DUSP28: variants seen among roughly 807,000 people sequenced by gnomAD.
DUSP28 encodes the protein dual specificity phosphatase 28.
Under a neutral mutation model 8.4 loss-of-function variants are expected in DUSP28, and 11 were observed. That is an observed-to-expected ratio of 1.31 (90% CI 0.83 to 2.17). The LOEUF is 2.17. Among genes scored for constraint, DUSP28 ranks in the 30% most tolerant of loss-of-function variants. The pLI is 0.00. For synonymous variants in DUSP28, 178 were observed against 130.9 expected, an observed-to-expected ratio of 1.36 and a Z score of -2.46; for missense variants, 373 against 270.4, an observed-to-expected ratio of 1.38 and a Z score of -2.66.
Position 240,560,607 on chromosome 2 carries a change from C to A in DUSP28, c.-78C>A, listed in dbSNP as rs2092891324. 1 of 1,357,476 alleles carries A rather than the reference C, an allele frequency of 7.4e-7. No homozygotes were observed. The highest frequency in any genetic ancestry group is 9.4e-7 in the Non-Finnish European group (1 of 1,059,086). 84.1% of individuals were successfully genotyped at this position (1,357,476 alleles called of 1,614,324 possible). On this transcript the variant is annotated 5_prime_UTR_variant, in exon 1 of 2. Transcript: ENST00000405954. Reference sequence around the variant, plus strand: ...CGCCCGGCGGCCCGCCCGGCTCCCACAAATAGACTCCTGGGCGGGCGCCTG... The same window carrying A: ...CGCCCGGCGGCCCGCCCGGCTCCCAAAAATAGACTCCTGGGCGGGCGCCTG...
rs1394937937 is a variant in DUSP28, at chr2:240,560,624, G to A, written c.-61G>A. On this transcript the variant is annotated 5_prime_UTR_variant, in exon 1 of 2. Transcript: ENST00000405954. ...GGCTCCCACAAATAGACTCCTGGGC[G>A]GGCGCCTGAGCCCCCAAAATAGATC... The A allele has an allele frequency of 1.4e-6, 2 of 1,401,750 alleles. No individual in the cohort carries two copies. The highest frequency in any genetic ancestry group is 1.8e-6 in the Non-Finnish European group (2 of 1,085,114). 86.8% of individuals were successfully genotyped at this position (1,401,750 alleles called of 1,614,324 possible).
chr2:240,561,645 A>C lies in DUSP28; in HGVS notation c.*178A>C. 1 of 871,570 alleles carries C rather than the reference A, an allele frequency of 1.1e-6. No individual in the cohort carries two copies. Among genetic ancestry groups the C allele is most frequent in the South Asian group, 2.1e-5 (1 of 46,692 alleles). The allele number at this position is 871,570 out of a possible 1,614,324, so 54.0% of individuals were successfully genotyped here. The stretch of plus-strand genomic sequence containing the variant: ...ATGCACAAATTATCTTACAGACACA[A>C]AAAGAAATACATTTGGTAAAACATC... On this transcript the variant is annotated 3_prime_UTR_variant, in exon 2 of 2. Coordinates refer to ENST00000405954, the MANE Select transcript of DUSP28 (RefSeq NM_001370465.2).
intron 1 of DUSP28, 107 bp from the exon 2 acceptor site, chr2:240,561,223 G>C: frequency 6.3e-7 from 1 of 1,580,440 alleles, no homozygotes; most frequent in South Asian, 1.1e-5. Context: ...GGGAAGCAGA[G>C]AGGCACTTCC....
chr2:240,561,517 A>T lies in DUSP28; in HGVS notation c.*50A>T. 4.5e-6 allele frequency: 7 copies of T among 1,566,438 alleles called. No homozygotes were observed. Among genetic ancestry groups the T allele is most frequent in the Non-Finnish European group, 6.0e-6 (7 of 1,157,270 alleles). ...GAAGGATGTCCCTGCACTGATACAG[A>T]AGGCTGGTCTTTACCCTTCTTCCTC... On this transcript the variant is annotated 3_prime_UTR_variant, in exon 2 of 2. Coordinates refer to ENST00000405954, the MANE Select transcript of DUSP28 (RefSeq NM_001370465.2).
Position 240,561,061 on chromosome 2 carries a change from T to G in DUSP28, c.377T>G (p.Leu126Arg). The change falls in exon 1 of 2, where the codon CTG (leucine) becomes CGG (arginine). Residue 126 changes from leucine to arginine, a missense_variant. Coordinates refer to ENST00000405954, the MANE Select transcript of DUSP28 (RefSeq NM_001370465.2). ...CTCATGCGGCACCGCGGCCTCAGCC[T>G]GGCGAAGGCCTTCCAGGTGGGCGGG... ...AYLMRHRGLSLAKAFQMVKSA... is the reference protein window; with the variant it reads ...AYLMRHRGLSRAKAFQMVKSA... The G allele has an allele frequency of 1.3e-6, 2 of 1,493,036 alleles. No individual in the cohort carries two copies. Among genetic ancestry groups the G allele is most frequent in the South Asian group, 1.3e-5 (1 of 77,446 alleles). The allele number at this position is 1,493,036 out of a possible 1,614,324, so 92.5% of individuals were successfully genotyped here.
At position 240,562,574 on chromosome 2, in the gene DUSP28, CAG is replaced by C. The variant is rs1332409599; in HGVS notation, c.*1108_*1109del. On this transcript the variant is annotated 3_prime_UTR_variant, in exon 2 of 2. Coordinates refer to ENST00000405954, the MANE Select transcript of DUSP28 (RefSeq NM_001370465.2). ...TAGATTATAATATTTCCAGGGATAA[CAG>C]TGTGGCACACAGATAACAGGGTAAG... 6.6e-6 allele frequency: 1 copy of C among 152,160 alleles called. No homozygotes were observed. The highest frequency in any genetic ancestry group is 1.9e-4 in the East Asian group (1 of 5,192). The allele number at this position is 152,160 out of a possible 1,614,324, so 9.4% of individuals were successfully genotyped here. A position where few individuals can be genotyped will look rare whatever the true frequency, so the allele number is the denominator to read the frequency against.
chr2:240,561,553 C>A lies in DUSP28; in HGVS notation c.*86C>A. 1 of 1,477,674 alleles carries A rather than the reference C, an allele frequency of 6.8e-7. No individual in the cohort carries two copies. Among genetic ancestry groups the A allele is most frequent in the Non-Finnish European group, 9.0e-7 (1 of 1,114,168 alleles). The allele number at this position is 1,477,674 out of a possible 1,614,324, so 91.5% of individuals were successfully genotyped here. On this transcript the variant is annotated 3_prime_UTR_variant, in exon 2 of 2. Transcript: ENST00000405954. ...TTACCCTTCTTCCTCACTGTCATATCGAGTTTTCCTTTGTGTGTGTGTGTG... is the reference window on the plus strand; with the variant it reads ...TTACCCTTCTTCCTCACTGTCATATAGAGTTTTCCTTTGTGTGTGTGTGTG...
intron 1 of DUSP28, 103 bp from the exon 2 acceptor site, chr2:240,561,227 C>G (rs1575428235): frequency 6.3e-7 from 1 of 1,581,714 alleles, no homozygotes; most frequent in East Asian, 2.2e-5. Flanking sequence ...AGCAGAGAGG[C>G]ACTTCCGGGT....
At position 240,565,143 on chromosome 2, in the gene DUSP28, A is replaced by G. The variant is rs1236859095; in HGVS notation, c.*3676A>G. Among the ~76,000 whole-genome samples, 1 of 152,246 alleles carries G rather than the reference A, an allele frequency of 6.6e-6. No homozygotes were observed. The highest frequency in any genetic ancestry group is 6.5e-5 in the Admixed American group (1 of 15,294). On this transcript the variant is annotated 3_prime_UTR_variant, in exon 2 of 2. Coordinates refer to ENST00000405954, the MANE Select transcript of DUSP28 (RefSeq NM_001370465.2). ...AAATAGGAGTGGGGAAAGAAAAGGA[A>G]AATGTGTGTAATACATGTGAATCAC...
In DUSP28 at chr2:240,561,604, A is replaced by G; in HGVS notation, c.*137A>G. ...TGAAACATAGTGCTTTTAATTTTATATTTCCGGCTGAGGTGATGCACAAAT... is the reference window on the plus strand; with the variant it reads ...TGAAACATAGTGCTTTTAATTTTATGTTTCCGGCTGAGGTGATGCACAAAT... On this transcript the variant is annotated 3_prime_UTR_variant, in exon 2 of 2. Coordinates refer to ENST00000405954, the MANE Select transcript of DUSP28 (RefSeq NM_001370465.2). 8.5e-7 allele frequency: 1 copy of G among 1,177,910 alleles called. No homozygotes were observed. The highest frequency in any genetic ancestry group is 1.1e-6 in the Non-Finnish European group (1 of 889,484). 73.0% of individuals were successfully genotyped at this position (1,177,910 alleles called of 1,614,324 possible). A position where few individuals can be genotyped will look rare whatever the true frequency, so the allele number is the denominator to read the frequency against.
rs1000041789 is a variant in DUSP28 at position 240,564,693 on chromosome 2, G to A, written c.*3226G>A. 6.6e-6 allele frequency among the ~76,000 whole-genome samples: 1 copy of A among 152,194 alleles called. No individual in the cohort carries two copies. Among genetic ancestry groups the A allele is most frequent in the African/African-American group, 2.4e-5 (1 of 41,436 alleles). On this transcript the variant is annotated 3_prime_UTR_variant, in exon 2 of 2. Coordinates refer to ENST00000405954, the MANE Select transcript of DUSP28 (RefSeq NM_001370465.2). ...ACTGCCTGATGTCCTGGCTGTGGAG[G>A]GCACCTGGAGCTGCCAGCAGAGCCT... is the stretch of plus-strand genomic sequence containing the variant.
Position 240,563,876 on chromosome 2 carries a change from C to T in DUSP28, c.*2409C>T, listed in dbSNP as rs2092994341. ...GTTTTGTGTTCCTTAACTATTTTGT[C>T]TGCCATGTCATTTATGATGTATATA... is the stretch of plus-strand genomic sequence containing the variant. On this transcript the variant is annotated 3_prime_UTR_variant, in exon 2 of 2. Coordinates refer to ENST00000405954, the MANE Select transcript of DUSP28 (RefSeq NM_001370465.2). 1 of 152,346 alleles carries T rather than the reference C, an allele frequency of 6.6e-6. No individual in the cohort carries two copies. The highest frequency in any genetic ancestry group is 1.9e-4 in the East Asian group (1 of 5,340). The allele number at this position is 152,346 out of a possible 1,614,324, so 9.4% of individuals were successfully genotyped here. A position where few individuals can be genotyped will look rare whatever the true frequency, so the allele number is the denominator to read the frequency against.
intron 1 of DUSP28, 96 bp from the exon 2 acceptor site, chr2:240,561,234 G>C (rs1349323426): frequency 6.3e-7 from 1 of 1,589,688 alleles, no homozygotes; most frequent in African/African-American, 1.4e-5. Flanking sequence ...AGGCACTTCC[G>C]GGTTGGGCGG....
chr2:240,562,440 T>C lies in DUSP28; in HGVS notation c.*973T>C, dbSNP rs1460293040. Reference sequence around the variant, plus strand: ...ACATTAAGAATTTCAAAAGTGATTTTTTCACCCATGGCTTCTACGGTGACA... The same window carrying C: ...ACATTAAGAATTTCAAAAGTGATTTCTTCACCCATGGCTTCTACGGTGACA... On this transcript the variant is annotated 3_prime_UTR_variant, in exon 2 of 2. Coordinates refer to ENST00000405954, the MANE Select transcript of DUSP28 (RefSeq NM_001370465.2). 6.6e-6 allele frequency: 1 copy of C among 152,232 alleles called. No individual in the cohort carries two copies. The highest frequency in any genetic ancestry group is 2.4e-5 in the African/African-American group (1 of 41,458). The allele number at this position is 152,232 out of a possible 1,614,324, so 9.4% of individuals were successfully genotyped here.
intron 1 of DUSP28, 120 bp downstream of exon 1, chr2:240,561,197 C>A: frequency 6.6e-7 from 1 of 1,514,942 alleles, no homozygotes; most frequent in Non-Finnish European, 8.8e-7. Flanking sequence ...GGGTCTCTCT[C>A]GTGAGGGCGG....
rs1405065599 is a variant in DUSP28, at chr2:240,563,190, G to A, written c.*1723G>A. The A allele has an allele frequency of 6.6e-6, 1 of 152,196 alleles. No homozygotes were observed. The highest frequency in any genetic ancestry group is 2.4e-5 in the African/African-American group (1 of 41,438). 9.4% of individuals were successfully genotyped at this position (152,196 alleles called of 1,614,324 possible). A position where few individuals can be genotyped will look rare whatever the true frequency, so the allele number is the denominator to read the frequency against. ...AAAGCCAGTGTAAACAACTATGCCA[G>A]TGATCCACTGAGCATTTCTTTTTTT... On this transcript the variant is annotated 3_prime_UTR_variant, in exon 2 of 2. Transcript: ENST00000405954.
At position 240,563,161 on chromosome 2, in the gene DUSP28, T is replaced by A. The variant is rs927312303; in HGVS notation, c.*1694T>A. Reference sequence around the variant, plus strand: ...TTGACAGAATTCTGCAGGAATTTGGTTTCAAAGCCAGTGTAAACAACTATG... The same window carrying A: ...TTGACAGAATTCTGCAGGAATTTGGATTCAAAGCCAGTGTAAACAACTATG... On this transcript the variant is annotated 3_prime_UTR_variant, in exon 2 of 2. Transcript: ENST00000405954. 6.6e-6 allele frequency: 1 copy of A among 152,282 alleles called. No individual in the cohort carries two copies. The highest frequency in any genetic ancestry group is 1.5e-5 in the Non-Finnish European group (1 of 68,078). 9.4% of individuals were successfully genotyped at this position (152,282 alleles called of 1,614,324 possible).
Position 240,563,903 on chromosome 2 carries a change from C to T in DUSP28, c.*2436C>T, listed in dbSNP as rs1349021607. 1 of 152,354 alleles carries T rather than the reference C, an allele frequency of 6.6e-6. No individual in the cohort carries two copies. The highest frequency in any genetic ancestry group is 1.5e-5 in the Non-Finnish European group (1 of 68,046). 9.4% of individuals were successfully genotyped at this position (152,354 alleles called of 1,614,324 possible). A position where few individuals can be genotyped will look rare whatever the true frequency, so the allele number is the denominator to read the frequency against. ...GCCATGTCATTTATGATGTATATAA[C>T]CTCTTTAATGCCTGAAATCATAAGA... On this transcript the variant is annotated 3_prime_UTR_variant, in exon 2 of 2. Coordinates refer to ENST00000405954, the MANE Select transcript of DUSP28 (RefSeq NM_001370465.2).
Position 240,561,390 on chromosome 2 carries a change from A to G in DUSP28, c.454A>G (p.Lys152Glu). 6.2e-7 allele frequency: 1 copy of G among 1,613,740 alleles called. No homozygotes were observed. The highest frequency in any genetic ancestry group is 8.5e-7 in the Non-Finnish European group (1 of 1,179,996). Residue 152 changes from lysine (K) to glutamate (E), a missense_variant, in exon 2 of 2, where the codon AAG becomes GAG. By Grantham distance (56) the Lys-to-Glu change is moderately conservative (BLOSUM62 1). Transcript: ENST00000405954. ...CCCGGGCTTCTGGTCTCAGCTCCAG[A>G]AGTATGAGGAGGCCCTCCAGGCCCA... ...PNPGFWSQLQ[K>E]YEEALQAQSC...
Sources: gnomAD v4.1 joint callset for allele counts (sites outside exome capture counted in the v4.1 genomes callset) on GRCh38, gnomAD v4.1.1 for gene constraint, MANE v1.5 for transcripts, NCBI Gene and HGNC (gene_info 2026-07-23, HGNC 2026-07-21) for gene names.